LEPR: variants seen among roughly 807,000 people sequenced by gnomAD.
The protein encoded by LEPR is leptin receptor.
LEPR carries 56 observed loss-of-function variants against 114.7 expected under a neutral mutation model. The ratio of observed to expected loss-of-function variants is 0.49; its 90% CI spans 0.39 to 0.61. LEPR has a LOEUF of 0.61. Among genes scored for constraint, LEPR ranks in the 20% least tolerant of loss-of-function variants. The pLI is 0.00. For missense variants in LEPR, 1,202 were observed against 1,352.9 expected, an observed-to-expected ratio of 0.89 and a Z score of 1.75; for synonymous variants, 443 against 461.4, an observed-to-expected ratio of 0.96 and a Z score of 0.51.
intron 2 of LEPR, among the ~76,000 whole-genome samples, chr1:65,549,526 T>G (rs1652104063): frequency 6.6e-6 from 1 of 152,046 alleles, no homozygotes; most frequent in Non-Finnish European, 1.5e-5. Flanking sequence ...TTATTCTTTT[T>G]TCTCTAAACT....
At chr1:65,529,349 T>C (rs1650213462) in intron 2 of LEPR, among the ~76,000 whole-genome samples, 1 of 151,702 alleles carries the variant, frequency 6.6e-6, no homozygotes, top group Non-Finnish European at 1.5e-5. Context: ...TGAAATCCCA[T>C]CTCTACTAAA....
At chr1:65,476,508 G>T (rs1386016908) in intron 2 of LEPR, among the ~76,000 whole-genome samples, 1 of 152,180 alleles carries the variant, frequency 6.6e-6, no homozygotes, top group Non-Finnish European at 1.5e-5. Context: ...CTCACAATGA[G>T]GTCATTCCTC....
chr1:65,525,542 C>A (rs1649884903), intron 2 of LEPR: 2 of 815,676 alleles, frequency 2.5e-6, no homozygotes, highest in Non-Finnish European at 3.0e-6. Flanking sequence ...CCGCTCCTCC[C>A]GCTCAGGGGC....
intron 5 of LEPR, among the ~76,000 whole-genome samples, chr1:65,575,324 C>T (rs1343011718): frequency 6.6e-6 from 1 of 151,740 alleles, no homozygotes. Flanking sequence ...AATAGCTTAA[C>T]CACCAGCAAA....
rs539569176 is a variant in LEPR, at chr1:65,605,730, A to C, written c.1603+493A>C. On this transcript the variant is annotated intron_variant, in intron 11 of 19. Transcript: ENST00000349533. ...GAAATAGACAACAATGACATACATT[A>C]TATTTTAAACATTCTTTTCAAAAAA... 1.5e-4 allele frequency among the ~76,000 whole-genome samples: 23 copies of C among 152,328 alleles called. No homozygotes were observed. The South Asian group carries it at 4.8e-3, about 32-fold the overall frequency.
chr1:65,478,160 A>G (rs535633308), intron 2 of LEPR, among the ~76,000 whole-genome samples: 1 of 152,278 alleles, frequency 6.6e-6, no homozygotes. Flanking sequence ...TTCTTATAAA[A>G]ACTAAGAGGA....
Position 65,592,675 on chromosome 1 carries a change from T to G in LEPR, c.513T>G (p.Asp171Glu), listed in dbSNP as rs1194724004. The change falls in exon 6 of 20, where the codon GAT (aspartate) becomes GAG (glutamate). Residue 171 changes from aspartate to glutamate, a missense_variant. Coordinates refer to ENST00000349533, the MANE Select transcript of LEPR (RefSeq NM_002303.6). ...LLYVLPEVLE[D>E]SPLVPQKGSF... ...AATATAGGCCTGAAGTGTTAGAAGA[T>G]TCACCTCTGGTTCCCCAAAAAGGCA... is the stretch of plus-strand genomic sequence containing the variant. The G allele has an allele frequency of 6.2e-7, 1 of 1,613,230 alleles. No homozygotes were observed. Among genetic ancestry groups the G allele is most frequent in the Non-Finnish European group, 8.5e-7 (1 of 1,179,350 alleles).
At chr1:65,593,334 G>C (rs1484367010) in intron 6 of LEPR, among the ~76,000 whole-genome samples, 1 of 152,022 alleles carries the variant, frequency 6.6e-6, no homozygotes, top group Non-Finnish European at 1.5e-5. Context: ...TGATAAAAGA[G>C]TAAATGAGTA....
rs936822926 is a variant in LEPR, at chr1:65,575,459, A to T, written c.494+3010A>T. Among the ~76,000 whole-genome samples, 27 of 79,158 alleles carry T rather than the reference A, an allele frequency of 3.4e-4. 2 individuals are homozygous for T. The highest frequency in any genetic ancestry group is 9.7e-4 in the African/African-American group (25 of 25,696). 51.9% of individuals were successfully genotyped at this position (79,158 alleles called of 152,430 possible). A position where few individuals can be genotyped will look rare whatever the true frequency, so the allele number is the denominator to read the frequency against. On this transcript the variant is annotated intron_variant, in intron 5 of 19. Coordinates refer to ENST00000349533, the MANE Select transcript of LEPR (RefSeq NM_002303.6). Reference sequence around the variant, plus strand: ...CTTAATTAAGTGCAACTATACTTTAAAAAAAAAATCAAAAAGATCCTTTAT... The same window carrying T: ...CTTAATTAAGTGCAACTATACTTTATAAAAAAAATCAAAAAGATCCTTTAT...
intron 19 of LEPR, among the ~76,000 whole-genome samples, chr1:65,626,966 T>C (rs1658256854): frequency 6.6e-6 from 1 of 152,188 alleles, no homozygotes; most frequent in African/African-American, 2.4e-5. Flanking sequence ...AAAAATAATA[T>C]AGTGTAACTC....
At chr1:65,526,415 A>G (rs938203271) in intron 2 of LEPR, 2 of 985,144 alleles carry the variant, frequency 2.0e-6, no homozygotes, top group Non-Finnish European at 2.4e-6. Flanking sequence ...AAGAGACCCA[A>G]CTGAGGAATC....
chr1:65,519,053 T>A (rs2100575964), intron 2 of LEPR, among the ~76,000 whole-genome samples: 1 of 149,932 alleles, frequency 6.7e-6, no homozygotes, highest in South Asian at 2.2e-4. Context: ...TTTCTTTCTC[T>A]CTCTCCTTCC....
chr1:65,583,846 C>T (rs1475809481), intron 5 of LEPR, among the ~76,000 whole-genome samples: 2 of 151,948 alleles, frequency 1.3e-5, no homozygotes, highest in African/African-American at 2.4e-5. Flanking sequence ...CATTAATATG[C>T]TCTACATGTT....
chr1:65,615,557 T>C (rs1259514371), intron 14 of LEPR, among the ~76,000 whole-genome samples: 1 of 152,198 alleles, frequency 6.6e-6, no homozygotes, highest in Non-Finnish European at 1.5e-5. Context: ...CTATGATCAA[T>C]ATATGATGAT....
At chr1:65,448,988 G>T (rs1646746500) in intron 2 of LEPR, among the ~76,000 whole-genome samples, 1 of 152,184 alleles carries the variant, frequency 6.6e-6, no homozygotes, top group Non-Finnish European at 1.5e-5. Context: ...CCACCTCCCA[G>T]GTTCAAACGA....
rs560183558 is a variant in LEPR at position 65,481,290 on chromosome 1, C to G, written c.-21+55912C>G. ...CAATTCGAGGAATTGAGGATTAAGA[C>G]TTTATATGAATTTTCTAGGAATATG... On this transcript the variant is annotated intron_variant, in intron 2 of 19. Coordinates refer to ENST00000349533, the MANE Select transcript of LEPR (RefSeq NM_002303.6). Among the ~76,000 whole-genome samples, 75 of 152,218 alleles carry G rather than the reference C, an allele frequency of 4.9e-4. 1 individual carries two copies. The highest frequency in any genetic ancestry group is 4.8e-3 in the Admixed American group (73 of 15,290).
chr1:65,475,697 A>C (rs1647150572), intron 2 of LEPR, among the ~76,000 whole-genome samples: 1 of 152,184 alleles, frequency 6.6e-6, no homozygotes, highest in Non-Finnish European at 1.5e-5. Context: ...TGCAGTGTTC[A>C]AAAAGCCACA....
intron 2 of LEPR, among the ~76,000 whole-genome samples, chr1:65,483,341 T>C (rs929906648): frequency 1.6e-4 from 24 of 152,234 alleles, no homozygotes; most frequent in Non-Finnish European, 2.9e-4. Flanking sequence ...AAAACGACAA[T>C]GTATCACCAT....
intron 2 of LEPR, chr1:65,432,300 G>A: frequency 1.0e-6 from 1 of 992,948 alleles, no homozygotes; most frequent in Non-Finnish European, 1.2e-6. Flanking sequence ...GGAAGGCCGG[G>A]GTGGATCCCT....
Sources: allele counts gnomAD v4.1 joint callset (sites outside exome capture counted in the v4.1 genomes callset), GRCh38; gene constraint gnomAD v4.1.1; transcripts MANE v1.5; gene names NCBI Gene and HGNC (gene_info 2026-07-23, HGNC 2026-07-21).